VWA3B: variants seen among roughly 807,000 people sequenced by gnomAD.
VWA3B encodes the protein von Willebrand factor A domain containing 3B.
VWA3B carries 138 observed loss-of-function variants against 158.3 expected under a neutral mutation model. The observed-to-expected ratio is 0.87, with a 90% CI of 0.76 to 1.00. The LOEUF (loss-of-function observed/expected upper bound fraction) is 1.00, where lower values mean the gene tolerates loss of function less well. Ranked by LOEUF, VWA3B falls within the 50% of genes least tolerant of loss-of-function variation. VWA3B has a pLI of 0.00. For synonymous variants in VWA3B, 596 were observed against 587.3 expected, an observed-to-expected ratio of 1.01 and a Z score of -0.21; for missense variants, 1,555 against 1,565.1, an observed-to-expected ratio of 0.99 and a Z score of 0.11.
In VWA3B at chr2:98,119,621, T is replaced by C. The variant is rs1166300772; in HGVS notation, c.400T>C (p.Phe134Leu). ...DWLTSKSRQI[F>L]GVILEQCVTI... ...GCTCACCAGCAAGAGCCGGCAGATT[T>C]TTGGTGTCATCTTGGAACAGTGCGT... The change falls in exon 4 of 28, where the codon TTT becomes CTT. Residue 134 changes from phenylalanine (F) to leucine (L), a missense_variant. Physicochemically the swap from Phe to Leu is conservative, Grantham distance 22. Transcript: ENST00000477737. 3 of 1,614,038 alleles carry C rather than the reference T, an allele frequency of 1.9e-6. No individual in the cohort carries two copies. Among genetic ancestry groups the C allele is most frequent in the Middle Eastern group, 1.6e-4 (1 of 6,082 alleles).
At position 98,163,093 on chromosome 2, in the gene VWA3B, G is replaced by A. The variant is rs1035057085; in HGVS notation, c.1114+117G>A. 5 of 1,487,438 alleles carry A rather than the reference G, an allele frequency of 3.4e-6. No homozygotes were observed. In the African/African-American group the frequency reaches 5.6e-5, roughly 17 times the overall value. 92.1% of individuals were successfully genotyped at this position (1,487,438 alleles called of 1,614,324 possible). Reference sequence around the variant, plus strand: ...CTCCAGAGCCCAGCTGCGAGGGGCTGCTGAGGAGAGCAGCCAGAGCTGTGT... The same window carrying A: ...CTCCAGAGCCCAGCTGCGAGGGGCTACTGAGGAGAGCAGCCAGAGCTGTGT... On this transcript the variant is annotated intron_variant, in intron 8 of 27. Transcript: ENST00000477737.
chr2:98,169,659 G>A (rs1004757970), intron 8 of VWA3B, among the ~76,000 whole-genome samples: 1 of 149,750 alleles, frequency 6.7e-6, no homozygotes, highest in African/African-American at 2.4e-5. Flanking sequence ...GAGAAGGAGA[G>A]TCACTCCTCT....
At chr2:98,272,944 G>A (rs1188993462) in intron 22 of VWA3B, among the ~76,000 whole-genome samples, 2 of 152,102 alleles carry the variant, frequency 1.3e-5, no homozygotes, top group African/African-American at 4.8e-5. Context: ...CAGGTTATGG[G>A]CAGCAAGATG....
In VWA3B at chr2:98,312,463, C is replaced by T; in HGVS notation, c.*114C>T. On this transcript the variant is annotated 3_prime_UTR_variant, in exon 28 of 28. Coordinates refer to ENST00000477737, the MANE Select transcript of VWA3B (RefSeq NM_144992.5). Reference sequence around the variant, plus strand: ...GGAGGTAAGGCCGCCCTCCGCGCCGCCTATGCCTGCCCTGTCTGTAGCAAA... The same window carrying T: ...GGAGGTAAGGCCGCCCTCCGCGCCGTCTATGCCTGCCCTGTCTGTAGCAAA... The T allele has an allele frequency of 7.6e-7, 1 of 1,314,740 alleles. No homozygotes were observed. The highest frequency in any genetic ancestry group is 1.0e-6 in the Non-Finnish European group (1 of 977,458). The allele number at this position is 1,314,740 out of a possible 1,614,324, so 81.4% of individuals were successfully genotyped here. A position where few individuals can be genotyped will look rare whatever the true frequency, so the allele number is the denominator to read the frequency against.
chr2:98,202,843 T>G (rs1249799790), intron 12 of VWA3B, among the ~76,000 whole-genome samples: 1 of 152,142 alleles, frequency 6.6e-6, no homozygotes, highest in African/African-American at 2.4e-5. Flanking sequence ...ATTTATTTAT[T>G]TATTTTGAGA....
chr2:98,215,997 T>C (rs1358418252), intron 13 of VWA3B, among the ~76,000 whole-genome samples: 7 of 152,224 alleles, frequency 4.6e-5, no homozygotes, highest in Admixed American at 4.6e-4. Flanking sequence ...ATTTTTTGCT[T>C]TTGAATTTTC....
chr2:98,140,831 G>T (rs1390526253), intron 7 of VWA3B, among the ~76,000 whole-genome samples: 5 of 152,062 alleles, frequency 3.3e-5, no homozygotes, highest in African/African-American at 7.2e-5. Context: ...GAGTCACATT[G>T]AGCTTCCCTG....
intron 12 of VWA3B, among the ~76,000 whole-genome samples, chr2:98,205,163 A>G (rs1012619519): frequency 2.0e-5 from 3 of 152,334 alleles, no homozygotes; most frequent in East Asian, 3.9e-4. Context: ...ATGGACACAG[A>G]TACTTCTTTT....
intron 26 of VWA3B, among the ~76,000 whole-genome samples, chr2:98,307,911 A>G (rs4851124): frequency 0.28 from 42,316 of 151,878 alleles, 6,170 homozygotes; most frequent in Admixed American, 0.36. Flanking sequence ...CTTCCCCCCA[A>G]CCTCCTTTCC....
At chr2:98,215,126 G>T (rs1190361851) in intron 13 of VWA3B, among the ~76,000 whole-genome samples, 1 of 152,148 alleles carries the variant, frequency 6.6e-6, no homozygotes, top group Non-Finnish European at 1.5e-5. Flanking sequence ...ACTCAAAGAT[G>T]GAGAATCAAG....
At position 98,230,208 on chromosome 2, in the gene VWA3B, G is replaced by C. The variant is rs754520589; in HGVS notation, c.2308+1G>C. ...CAGAAAAAGAAAGTCCTTCACGCAG[G>C]TATCAGTGAACAAAATGGCTTGACT... On this transcript the variant is annotated splice_donor_variant, in intron 16 of 27. Transcript: ENST00000477737. LOFTEE classifies it high-confidence loss of function. 24 of 1,554,120 alleles carry C rather than the reference G, an allele frequency of 1.5e-5. No individual in the cohort carries two copies. In the South Asian group the frequency reaches 2.2e-4, roughly 15 times the overall value.
In VWA3B at chr2:98,270,713, G is replaced by A; in HGVS notation, c.2875G>A (p.Glu959Lys). ...LDANKPIQYL[E>K]NKTVLNQALE... is the part of the protein sequence containing the mutation. ...TGCAAACAAACCAATACAGTACTTGGAAAACAAAACAGTTTTAAACCAGGC... is the reference window on the plus strand; with the variant it reads ...TGCAAACAAACCAATACAGTACTTGAAAAACAAAACAGTTTTAAACCAGGC... Residue 959 changes from glutamate (E) to lysine (K), a missense_variant, in exon 22 of 28, where the codon GAA becomes AAA. Transcript: ENST00000477737. 1 of 1,614,010 alleles carries A rather than the reference G, an allele frequency of 6.2e-7. No homozygotes were observed. The highest frequency in any genetic ancestry group is 8.5e-7 in the Non-Finnish European group (1 of 1,179,960).
chr2:98,329,102 C>G, the VWA3B span, among the ~76,000 whole-genome samples: 1 of 151,966 alleles, frequency 6.6e-6, no homozygotes, highest in South Asian at 2.1e-4. Flanking sequence ...GTCTTTTCAA[C>G]AAATGATAAT....
chr2:98,230,027 AC>A, intron 15 of VWA3B, 22 bp from the exon 16 acceptor site: 2 of 1,548,496 alleles, frequency 1.3e-6, no homozygotes, highest in Non-Finnish European at 1.7e-6. Flanking sequence ...TTTTTGCTCG[AC>A]TTTTTATCTA....
At chr2:98,123,622 T>C (rs10169441) in intron 5 of VWA3B, among the ~76,000 whole-genome samples, 37,149 of 152,060 alleles carry the variant, frequency 0.24, 5,033 homozygotes, top group African/African-American at 0.37. Context: ...GAATTACTGT[T>C]GTGTCTCATG....
chr2:98,144,284 T>C (rs1357313833), intron 7 of VWA3B, among the ~76,000 whole-genome samples: 1 of 152,176 alleles, frequency 6.6e-6, no homozygotes, highest in African/African-American at 2.4e-5. Context: ...GTCATAACCA[T>C]CATCATTTGC....
intron 12 of VWA3B, among the ~76,000 whole-genome samples, chr2:98,203,528 G>A (rs1213616940): frequency 6.6e-6 from 1 of 152,102 alleles, no homozygotes; most frequent in Non-Finnish European, 1.5e-5. Flanking sequence ...GGAAGAATTG[G>A]CATCTTTATT....
At position 98,201,094 on chromosome 2, in the gene VWA3B, T is replaced by A. The variant is rs563053960; in HGVS notation, c.1737+6602T>A. Among the ~76,000 whole-genome samples the A allele has an allele frequency of 2.6e-5, 4 of 152,278 alleles. No individual in the cohort carries two copies. In the East Asian group the frequency reaches 5.8e-4, roughly 22 times the overall value. Reference sequence around the variant, plus strand: ...AGCTTTGTATTTCCTTCCAAATTTTTTTGGCTGTTATATAGTTCCTTTGAC... The same window carrying A: ...AGCTTTGTATTTCCTTCCAAATTTTATTGGCTGTTATATAGTTCCTTTGAC... On this transcript the variant is annotated intron_variant, in intron 12 of 27. Transcript: ENST00000477737.
At chr2:98,262,444 A>G (rs759317942) in intron 21 of VWA3B, among the ~76,000 whole-genome samples, 3 of 151,738 alleles carry the variant, frequency 2.0e-5, no homozygotes, top group Non-Finnish European at 4.4e-5. Context: ...TAGTTTTTAT[A>G]TATGTTTTAA....
Sources: gnomAD v4.1 joint callset for allele counts (sites outside exome capture counted in the v4.1 genomes callset) on GRCh38, gnomAD v4.1.1 for gene constraint, MANE v1.5 for transcripts, NCBI Gene and HGNC (gene_info 2026-07-23, HGNC 2026-07-21) for gene names.